The following ENPP6 variants were observed in gnomAD, a reference collection of about 807,000 sequenced individuals.
ENPP6 encodes the protein glycerophosphocholine cholinephosphodiesterase ENPP6.
Under a neutral mutation model 42.0 loss-of-function variants are expected in ENPP6, and 32 were observed. The observed-to-expected ratio is 0.76, with a 90% CI of 0.58 to 1.02. ENPP6 has a LOEUF of 1.02. Among genes scored for constraint, ENPP6 ranks in the 50% least tolerant of loss-of-function variants. The pLI, the probability that ENPP6 is intolerant of heterozygous loss-of-function variation, is 0.00. For synonymous variants in ENPP6, 213 were observed against 216.0 expected (o/e 0.99, Z 0.12); for missense variants, 552 against 566.8 (o/e 0.97, Z 0.27).
At chr4:184,166,444 T>C (rs1737348492) in intron 1 of ENPP6, among the ~76,000 whole-genome samples, 1 of 152,200 alleles carries the variant, frequency 6.6e-6, no homozygotes. Context: ...GGTGCAATTA[T>C]TTAACAAGCA....
In ENPP6 at chr4:184,090,866, T is replaced by C. The variant is rs1735776811; in HGVS notation, c.*311A>G. ...TCTGTCTGCAATAACCACTCCAAGT[T>C]TGGTTGCTGCAGGAGCAGGTCCCTG... On this transcript the variant is annotated 3_prime_UTR_variant, in exon 8 of 8. Transcript: ENST00000296741. The C allele has an allele frequency of 4.7e-6, 2 of 428,606 alleles. No homozygotes were observed. The highest frequency in any genetic ancestry group is 7.0e-5 in the East Asian group (2 of 28,698). 26.6% of individuals were successfully genotyped at this position (428,606 alleles called of 1,614,324 possible). A position where few individuals can be genotyped will look rare whatever the true frequency, so the allele number is the denominator to read the frequency against.
intron 2 of ENPP6, among the ~76,000 whole-genome samples, chr4:184,144,282 T>C (rs7671647): frequency 0.54 from 82,567 of 152,080 alleles, 24,538 homozygotes; most frequent in South Asian, 0.67. Flanking sequence ...CCTCCAAATC[T>C]ACCACCCCCA....
At chr4:184,193,438 A>G (rs1732735869) in intron 1 of ENPP6, among the ~76,000 whole-genome samples, 1 of 152,232 alleles carries the variant, frequency 6.6e-6, no homozygotes, top group African/African-American at 2.4e-5. Context: ...GCAAATCTAT[A>G]AAGGCAGAGT....
chr4:184,093,737 C>A (rs1270235659), intron 7 of ENPP6, among the ~76,000 whole-genome samples: 2 of 151,876 alleles, frequency 1.3e-5, no homozygotes, highest in African/African-American at 4.8e-5. Context: ...TATCCCAGCC[C>A]CTCTCAGGCA....
Position 184,148,299 on chromosome 4 carries a change from G to T in ENPP6, c.421+5255C>A, listed in dbSNP as rs540096862. 5.3e-5 allele frequency among the ~76,000 whole-genome samples: 8 copies of T among 152,212 alleles called. No individual in the cohort carries two copies. The East Asian group carries it at 9.6e-4, about 18-fold the overall frequency. Reference sequence around the variant, plus strand: ...AGTGGATTTGCCATGATTTGTGAAGGTTGGAAGTTCGTCCCTGGATTTCTC... The same window carrying T: ...AGTGGATTTGCCATGATTTGTGAAGTTTGGAAGTTCGTCCCTGGATTTCTC... On this transcript the variant is annotated intron_variant, in intron 2 of 7. Coordinates refer to ENST00000296741, the MANE Select transcript of ENPP6 (RefSeq NM_153343.4).
At chr4:184,142,023 GA>G (rs1242643738) in intron 2 of ENPP6, among the ~76,000 whole-genome samples, 5 of 152,166 alleles carry the variant, frequency 3.3e-5, no homozygotes, top group Non-Finnish European at 4.4e-5. Context: ...CTACAGCTGA[GA>G]AAACAGAGGC....
intron 1 of ENPP6, among the ~76,000 whole-genome samples, chr4:184,214,904 C>T (rs186691133): frequency 2.4e-3 from 371 of 152,200 alleles, no homozygotes; most frequent in African/African-American, 8.6e-3. Context: ...ATCTAGATGA[C>T]GAGTTGACAG....
intron 1 of ENPP6, among the ~76,000 whole-genome samples, chr4:184,164,253 G>T (rs988575157): frequency 6.6e-6 from 1 of 152,158 alleles, no homozygotes; most frequent in Non-Finnish European, 1.5e-5. Context: ...AGATAAAAAT[G>T]GTCCATGCAC....
At chr4:184,131,141 C>CTTTCTTTCTTTCTTTCTTTG (rs1220727825) in intron 2 of ENPP6, among the ~76,000 whole-genome samples, 1 of 13,100 alleles carries the variant, frequency 7.6e-5, no homozygotes, top group Non-Finnish European at 1.6e-4. Flanking sequence ...CCAGCACTTA[C>CTTTCTTTCTTTCTTTCTTTG]TTTCTTTCTT....
At chr4:184,191,677 T>C (rs1041168897) in intron 1 of ENPP6, among the ~76,000 whole-genome samples, 1 of 152,354 alleles carries the variant, frequency 6.6e-6, no homozygotes, top group East Asian at 1.9e-4. Context: ...CTAACGTGAC[T>C]GTAAAGATCA....
intron 2 of ENPP6, among the ~76,000 whole-genome samples, chr4:184,143,993 G>GA (rs1371994145): frequency 6.6e-6 from 1 of 152,202 alleles, no homozygotes; most frequent in Non-Finnish European, 1.5e-5. Flanking sequence ...CTCTAACAGC[G>GA]CCCTGGATCA....
chr4:184,157,406 T>C (rs1411397497), intron 1 of ENPP6, among the ~76,000 whole-genome samples: 1 of 105,286 alleles, frequency 9.5e-6, no homozygotes, highest in Non-Finnish European at 1.9e-5. Context: ...ATTCGTTCTT[T>C]CTCTTTCTTT....
chr4:184,187,061 C>T lies in ENPP6; in HGVS notation c.241+30518G>A, dbSNP rs1732644758. On this transcript the variant is annotated intron_variant, in intron 1 of 7. Transcript: ENST00000296741. Reference sequence around the variant, plus strand: ...ATGTGTTAAGAAAGCACTCGTTCCACACAGAGGGAGGGGAGGAAGCAGAAG... The same window carrying T: ...ATGTGTTAAGAAAGCACTCGTTCCATACAGAGGGAGGGGAGGAAGCAGAAG... 3.3e-5 allele frequency among the ~76,000 whole-genome samples: 5 copies of T among 152,278 alleles called. 1 individual carries two copies. In the South Asian group the frequency reaches 1.0e-3, roughly 32 times the overall value.
chr4:184,217,798 G>A lies in ENPP6; in HGVS notation c.22C>T (p.Leu8Phe). 6.2e-7 allele frequency: 1 copy of A among 1,613,676 alleles called. No individual in the cohort carries two copies. The highest frequency in any genetic ancestry group is 1.3e-5 in the African/African-American group (1 of 75,068). The change falls in exon 1 of 8, where the codon CTC becomes TTC. Residue 8 changes from leucine (L) to phenylalanine (F), a missense_variant. Physicochemically the swap from Leu to Phe is conservative, Grantham distance 22. This residue lies in a region of ENPP6 where 7 missense variants were observed against 20.6 expected (regional missense o/e 0.34). Coordinates refer to ENST00000296741, the MANE Select transcript of ENPP6 (RefSeq NM_153343.4). The part of the protein sequence containing the change: MAVKLGT[L>F]LLALALGLAQ... ...AGGCCCAGGGCAAGGGCCAGCAGGA[G>A]GGTCCCAAGCTTCACTGCCATGCTG...
chr4:184,200,906 G>A (rs1732884195), intron 1 of ENPP6, among the ~76,000 whole-genome samples: 1 of 152,212 alleles, frequency 6.6e-6, no homozygotes, highest in African/African-American at 2.4e-5. Flanking sequence ...GCCCTGGGTA[G>A]TTCCTTCATC....
intron 2 of ENPP6, among the ~76,000 whole-genome samples, chr4:184,126,861 A>C (rs1206305601): frequency 6.6e-6 from 1 of 152,226 alleles, no homozygotes; most frequent in East Asian, 1.9e-4. Context: ...AGAGGAATGA[A>C]ATAGGAAGAA....
At chr4:184,180,954 C>T (rs1217673348) in intron 1 of ENPP6, among the ~76,000 whole-genome samples, 1 of 152,164 alleles carries the variant, frequency 6.6e-6, no homozygotes, top group Admixed American at 6.5e-5. Context: ...TGGCACAAGA[C>T]AAGGGTGTTC....
At chr4:184,141,299 C>T (rs1736816366) in intron 2 of ENPP6, among the ~76,000 whole-genome samples, 1 of 152,296 alleles carries the variant, frequency 6.6e-6, no homozygotes, top group East Asian at 1.9e-4. Context: ...CTCAACCTCG[C>T]AGGCTGCTGC....
At chr4:184,177,839 A>G (rs1020537873) in intron 1 of ENPP6, among the ~76,000 whole-genome samples, 1 of 152,198 alleles carries the variant, frequency 6.6e-6, no homozygotes, top group Non-Finnish European at 1.5e-5. Flanking sequence ...CAGCATCAAC[A>G]AAAAAGTCCC....
Sources: gnomAD v4.1 joint callset for allele counts (sites outside exome capture counted in the v4.1 genomes callset) on GRCh38, gnomAD v4.1.1 for gene constraint, gnomAD v4.1.1 regional missense constraint, MANE v1.5 for transcripts, NCBI Gene and HGNC (gene_info 2026-07-23, HGNC 2026-07-21) for gene names.